TLN2: variants seen among roughly 807,000 people sequenced by gnomAD.
TLN2 encodes the protein talin 2.
A neutral mutation model predicts 294.7 loss-of-function variants in TLN2; 118 were observed. That is an observed-to-expected ratio of 0.40 (90% CI 0.34 to 0.47). TLN2 has a LOEUF of 0.47. Ranked by LOEUF, TLN2 falls within the 20% of genes least tolerant of loss-of-function variation. The pLI is 0.84. For missense variants in TLN2, 3,083 were observed against 3,282.2 expected (o/e 0.94, Z 1.48); for synonymous variants, 1,431 against 1,304.5 (o/e 1.10, Z -2.09).
intron 1 of TLN2, among the ~76,000 whole-genome samples, chr15:62,462,331 C>G (rs1237444490): frequency 1.3e-5 from 2 of 152,128 alleles, no homozygotes; most frequent in Non-Finnish European, 2.9e-5. Flanking sequence ...CACAGAAGCC[C>G]CCAGGAGAGG....
chr15:62,504,142 TTTG>T (rs1442117873), intron 1 of TLN2, among the ~76,000 whole-genome samples: 1 of 152,134 alleles, frequency 6.6e-6, no homozygotes, highest in African/African-American at 2.4e-5. Flanking sequence ...AGCTCTAGAT[TTTG>T]TTGTTGTTCT....
chr15:62,490,049 T>G (rs435964), intron 1 of TLN2, among the ~76,000 whole-genome samples: 58,060 of 152,090 alleles, frequency 0.38, 12,475 homozygotes, highest in African/African-American at 0.58. Context: ...GGGGGTAATT[T>G]GTTATGCAGC....
rs117420771 is a variant in TLN2 at position 62,404,824 on chromosome 15, C to T, written c.-238+14139C>T. 1.3e-4 allele frequency among the ~76,000 whole-genome samples: 20 copies of T among 152,244 alleles called. No individual in the cohort carries two copies. In the East Asian group the frequency reaches 3.9e-3, roughly 29 times the overall value. On this transcript the variant is annotated intron_variant, in intron 1 of 58. Coordinates refer to ENST00000636159, the MANE Select transcript of TLN2 (RefSeq NM_015059.3). The stretch of plus-strand genomic sequence containing the variant: ...AACACCTGTCACTCCTAGGCTCTCC[C>T]TGATGGAGTTAAAGGAGCTTGCCCT...
chr15:62,832,344 C>G (rs2068955004), intron 54 of TLN2: 1 of 152,186 alleles, frequency 6.6e-6, no homozygotes, highest in Admixed American at 6.5e-5. Flanking sequence ...CTCTCAATGC[C>G]TGAAAGGTAC....
In TLN2 at chr15:62,752,304, G is replaced by T; in HGVS notation, c.4210-1G>T. On this transcript the variant is annotated splice_acceptor_variant, in intron 34 of 58. Transcript: ENST00000636159. LOFTEE classifies it high-confidence loss of function. ...AATGTTGCTGGCCGTTTGTTTTGCAGGTTCTGGGTGAATCGATGGCAGGGA... is the reference window on the plus strand; with the variant it reads ...AATGTTGCTGGCCGTTTGTTTTGCATGTTCTGGGTGAATCGATGGCAGGGA... 1 of 1,614,096 alleles carries T rather than the reference G, an allele frequency of 6.2e-7. No individual in the cohort carries two copies. Among genetic ancestry groups the T allele is most frequent in the Non-Finnish European group, 8.5e-7 (1 of 1,179,972 alleles).
chr15:62,769,317 A>G (rs1321978093), intron 41 of TLN2, among the ~76,000 whole-genome samples: 1 of 152,228 alleles, frequency 6.6e-6, no homozygotes, highest in Non-Finnish European at 1.5e-5. Context: ...GGATGAAATC[A>G]AATGCAAGTG....
At chr15:62,693,168 A>G (rs1018936860) in intron 13 of TLN2, among the ~76,000 whole-genome samples, 3 of 152,144 alleles carry the variant, frequency 2.0e-5, no homozygotes, top group African/African-American at 7.2e-5. Context: ...CGTCTCTACT[A>G]AAAATACAAA....
At chr15:62,783,335 C>G (rs547748966) in intron 44 of TLN2, among the ~76,000 whole-genome samples, 5 of 152,222 alleles carry the variant, frequency 3.3e-5, no homozygotes, top group East Asian at 1.9e-4. Context: ...CCGACAGAAG[C>G]CTTGGCCCAG....
intron 1 of TLN2, among the ~76,000 whole-genome samples, chr15:62,523,897 T>C (rs2040594728): frequency 6.6e-6 from 1 of 152,208 alleles, no homozygotes; most frequent in Non-Finnish European, 1.5e-5. Flanking sequence ...CTTTATTCCT[T>C]TCCTGTATTG....
chr15:62,450,551 G>GTATGTATGTATGTA (rs1566981120), intron 1 of TLN2, among the ~76,000 whole-genome samples: 1 of 35,448 alleles, frequency 2.8e-5, no homozygotes, highest in African/African-American at 8.7e-5. Context: ...GTATGTATGT[G>GTATGTATGTATGTA]TGTGTGTGTG....
At chr15:62,826,911 G>A (rs1478489728) in intron 54 of TLN2, among the ~76,000 whole-genome samples, 2 of 152,090 alleles carry the variant, frequency 1.3e-5, no homozygotes, top group Non-Finnish European at 2.9e-5. Context: ...GATGCACTAT[G>A]ACCTTATTTT....
intron 3 of TLN2, among the ~76,000 whole-genome samples, chr15:62,625,649 T>C (rs1294831953): frequency 6.6e-6 from 1 of 152,062 alleles, no homozygotes; most frequent in Non-Finnish European, 1.5e-5. Flanking sequence ...CCGCAGCATA[T>C]GTGTTGGGGG....
chr15:62,722,794 G>C (rs916732856), intron 26 of TLN2, among the ~76,000 whole-genome samples: 1 of 152,180 alleles, frequency 6.6e-6, no homozygotes, highest in Admixed American at 6.5e-5. Context: ...AGTCTTAGGG[G>C]AGAATGGTAG....
rs375130744 is a variant in TLN2 at position 62,711,949 on chromosome 15, A to G, written c.2506A>G (p.Thr836Ala). ...VRQARVLAQA[T>A]SDLVNAMRSD... ...CCAGGCGCGGGTTCTGGCCCAAGCC[A>G]CATCAGACCTCGTCAATGCCATGAG... is the stretch of plus-strand genomic sequence containing the variant. The change falls in exon 22 of 59, where the codon ACA becomes GCA. Residue 836 changes from threonine to alanine, a missense_variant. Coordinates refer to ENST00000636159, the MANE Select transcript of TLN2 (RefSeq NM_015059.3). 2 of 1,613,478 alleles carry G rather than the reference A, an allele frequency of 1.2e-6. No individual in the cohort carries two copies. The highest frequency in any genetic ancestry group is 1.3e-5 in the African/African-American group (1 of 74,932).
At chr15:62,706,081 T>G (rs577618897) in intron 19 of TLN2, among the ~76,000 whole-genome samples, 1 of 152,362 alleles carries the variant, frequency 6.6e-6, no homozygotes, top group African/African-American at 2.4e-5. Context: ...CCCTTTACAT[T>G]TAGAATCAAA....
intron 1 of TLN2, among the ~76,000 whole-genome samples, chr15:62,572,193 C>T (rs2043931671): frequency 6.6e-6 from 1 of 152,050 alleles, no homozygotes; most frequent in Non-Finnish European, 1.5e-5. Context: ...GACAGTTCCT[C>T]CCCCTGTGCC....
At chr15:62,672,476 G>A (rs1286045275) in intron 9 of TLN2, among the ~76,000 whole-genome samples, 2 of 152,158 alleles carry the variant, frequency 1.3e-5, no homozygotes, top group African/African-American at 4.8e-5. Flanking sequence ...AGTGGGATGG[G>A]GAAATAGATG....
chr15:62,702,538 T>A (rs764951719), intron 18 of TLN2, among the ~76,000 whole-genome samples: 6 of 152,228 alleles, frequency 3.9e-5, no homozygotes, highest in Admixed American at 1.3e-4. Flanking sequence ...CAAGGCTCAC[T>A]AATTGGCCAT....
At chr15:62,542,570 C>A (rs1296379675) in intron 1 of TLN2, among the ~76,000 whole-genome samples, 1 of 152,144 alleles carries the variant, frequency 6.6e-6, no homozygotes, top group African/African-American at 2.4e-5. Flanking sequence ...ATACTAGGAT[C>A]CTTTTGGTTG....
Sources: allele counts gnomAD v4.1 joint callset (sites outside exome capture counted in the v4.1 genomes callset), GRCh38; gene constraint gnomAD v4.1.1; transcripts MANE v1.5; gene names NCBI Gene and HGNC (gene_info 2026-07-23, HGNC 2026-07-21).